DEDD: variants seen among roughly 807,000 people sequenced by gnomAD.
The protein encoded by DEDD is death effector domain containing.
Under a neutral mutation model 29.2 loss-of-function variants are expected in DEDD, and 3 were observed. The observed-to-expected ratio is 0.10, with a 90% CI of 0.05 to 0.27. The LOEUF is 0.27. Ranked by LOEUF, DEDD falls within the 10% of genes least tolerant of loss-of-function variation. The probability of loss-of-function intolerance (pLI) is 1.00; values close to 1 mark genes in which losing one functional copy is unlikely to be tolerated. For missense variants in DEDD, 261 were observed against 420.5 expected (o/e 0.62, Z 3.32); for synonymous variants, 152 against 161.3 (o/e 0.94, Z 0.44).
chr1:161,124,006 A>AC, intron 3 of DEDD, 60 bp from the exon 4 acceptor site: 1 of 1,594,088 alleles, frequency 6.3e-7, no homozygotes, highest in Non-Finnish European at 8.5e-7. Context: ...GTCAGTCCAA[A>AC]CCCCCAGTGG....
chr1:161,124,695 C>T, intron 2 of DEDD, 169 bp from the exon 3 acceptor site: 1 of 867,422 alleles, frequency 1.2e-6, no homozygotes, highest in South Asian at 2.7e-5. Flanking sequence ...GGCACAGGGG[C>T]TCACACCTGT....
intron 2 of DEDD, among the ~76,000 whole-genome samples, chr1:161,128,352 G>A (rs1397992289): frequency 1.3e-5 from 2 of 152,188 alleles, no homozygotes; most frequent in African/African-American, 4.8e-5. Context: ...TGTAATCCCT[G>A]CACTTTGAGA....
In DEDD at chr1:161,121,333, C is replaced by G. The variant is rs1655467066; in HGVS notation, c.*814G>C. The G allele has an allele frequency of 4.5e-6, 1 of 220,928 alleles. No individual in the cohort carries two copies. The highest frequency in any genetic ancestry group is 2.4e-5 in the African/African-American group (1 of 42,540). The allele number at this position is 220,928 out of a possible 1,614,324, so 13.7% of individuals were successfully genotyped here. A position where few individuals can be genotyped will look rare whatever the true frequency, so the allele number is the denominator to read the frequency against. On this transcript the variant is annotated 3_prime_UTR_variant, in exon 6 of 6. Coordinates refer to ENST00000368006, the MANE Select transcript of DEDD (RefSeq NM_032998.3). Reference sequence around the variant, plus strand: ...AAGAAAGCAAAGGGGAAAAGGGCTGCAGGGTACATTATTTATTTTCACTTG... The same window carrying G: ...AAGAAAGCAAAGGGGAAAAGGGCTGGAGGGTACATTATTTATTTTCACTTG...
Position 161,121,949 on chromosome 1 carries a change from T to G in DEDD, c.*198A>C. ...TTACGGGGTAAATGGAAAAGGGAAA[T>G]AAAGGGGAAGCCCAGGCACATGGGT... On this transcript the variant is annotated 3_prime_UTR_variant, in exon 6 of 6. Transcript: ENST00000368006. The G allele has an allele frequency of 1.6e-6, 1 of 624,474 alleles. No individual in the cohort carries two copies. Among genetic ancestry groups the G allele is most frequent in the Non-Finnish European group, 2.6e-6 (1 of 378,444 alleles). The allele number at this position is 624,474 out of a possible 1,614,324, so 38.7% of individuals were successfully genotyped here.
At chr1:161,126,139 C>A (rs1281756828) in intron 2 of DEDD, among the ~76,000 whole-genome samples, 2 of 152,156 alleles carry the variant, frequency 1.3e-5, no homozygotes, top group African/African-American at 4.8e-5. Context: ...TCCACCTCCA[C>A]TGCCATGGTT....
chr1:161,127,280 T>G (rs760475503), intron 2 of DEDD, among the ~76,000 whole-genome samples: 8 of 152,304 alleles, frequency 5.3e-5, no homozygotes, highest in Non-Finnish European at 8.8e-5. Flanking sequence ...AGCCATAGCC[T>G]CCTCTGCAAT....
At chr1:161,126,338 A>G (rs560529884) in intron 2 of DEDD, among the ~76,000 whole-genome samples, 1 of 148,718 alleles carries the variant, frequency 6.7e-6, no homozygotes, top group East Asian at 2.0e-4. Flanking sequence ...AGAACACTCC[A>G]AACTCTTTTT....
At chr1:161,123,796 T>C in intron 4 of DEDD, 43 bp downstream of exon 4, 1 of 1,540,632 alleles carries the variant, frequency 6.5e-7, no homozygotes, top group Non-Finnish European at 8.9e-7. Context: ...TCAGTGTCCT[T>C]TTACTTGATG....
chr1:161,121,943 G>C lies in DEDD; in HGVS notation c.*204C>G. ...GACACATTACGGGGTAAATGGAAAA[G>C]GGAAATAAAGGGGAAGCCCAGGCAC... On this transcript the variant is annotated 3_prime_UTR_variant, in exon 6 of 6. Coordinates refer to ENST00000368006, the MANE Select transcript of DEDD (RefSeq NM_032998.3). The C allele has an allele frequency of 1.6e-6, 1 of 614,006 alleles. No homozygotes were observed. The highest frequency in any genetic ancestry group is 1.8e-5 in the African/African-American group (1 of 54,310). 38.0% of individuals were successfully genotyped at this position (614,006 alleles called of 1,614,324 possible).
rs769362055 is a variant in DEDD, at chr1:161,124,157, G to C, written c.306C>G (p.Thr102=). 1 of 1,613,528 alleles carries C rather than the reference G, an allele frequency of 6.2e-7. No individual in the cohort carries two copies. Among genetic ancestry groups the C allele is most frequent in the Non-Finnish European group, 8.5e-7 (1 of 1,179,538 alleles). Residue 102 remains threonine (T), a synonymous_variant, in exon 3 of 6, where the codon ACC becomes ACG. Transcript: ENST00000368006. ...CCTCACCAGCCCGTCTCCTCTTGAG[G>C]GTGACGTAGGGCAGCAGGTCGTGGC... ...ITRHDLLPYV[T]LKRRRAVCPD...
Position 161,122,023 on chromosome 1 carries a change from T to G in DEDD, c.*124A>C. ...CTTCCACTTTCTTTTGTCTTTTTCT[T>G]TAAAAAAAAAAAAAAAAAGGCAGGG... On this transcript the variant is annotated 3_prime_UTR_variant, in exon 6 of 6. Coordinates refer to ENST00000368006, the MANE Select transcript of DEDD (RefSeq NM_032998.3). The surrounding 1 kb of genome is among the most constrained non-coding windows in gnomAD (Gnocchi z 4.2). The G allele has an allele frequency of 1.7e-6, 2 of 1,162,896 alleles. No individual in the cohort carries two copies. Among genetic ancestry groups the G allele is most frequent in the Non-Finnish European group, 1.2e-6 (1 of 844,836 alleles). The allele number at this position is 1,162,896 out of a possible 1,614,324, so 72.0% of individuals were successfully genotyped here.
intron 1 of DEDD, chr1:161,131,223 A>G (rs1656641093): frequency 6.6e-6 from 1 of 152,210 alleles, no homozygotes; most frequent in African/African-American, 2.4e-5. Context: ...CACCTTTAGA[A>G]AAAACTGGGA....
At chr1:161,124,916 C>T in intron 2 of DEDD, 2 of 160,192 alleles carry the variant, frequency 1.2e-5, no homozygotes, top group Non-Finnish European at 2.7e-5. Flanking sequence ...GTCAACATAG[C>T]AAGACCCCAT....
In DEDD at chr1:161,122,660, G is replaced by T; in HGVS notation, c.581-137C>A. On this transcript the variant is annotated intron_variant, in intron 5 of 5. Coordinates refer to ENST00000368006, the MANE Select transcript of DEDD (RefSeq NM_032998.3). This position sits in a 1 kb window ranked among gnomAD's most constrained non-coding sequence, Gnocchi z 4.2. ...TGACAGCTTCTCTACCTCTTCCCCAGGACTATTTCTATGTATCTCTGAAAT... is the reference window on the plus strand; with the variant it reads ...TGACAGCTTCTCTACCTCTTCCCCATGACTATTTCTATGTATCTCTGAAAT... The T allele has an allele frequency of 1.7e-6, 2 of 1,156,576 alleles. No homozygotes were observed. Among genetic ancestry groups the T allele is most frequent in the Non-Finnish European group, 2.4e-6 (2 of 834,566 alleles). The allele number at this position is 1,156,576 out of a possible 1,614,324, so 71.6% of individuals were successfully genotyped here. A position where few individuals can be genotyped will look rare whatever the true frequency, so the allele number is the denominator to read the frequency against.
chr1:161,123,900 G>A lies in DEDD; in HGVS notation c.372C>T (p.Arg124=). The A allele has an allele frequency of 6.2e-7, 1 of 1,614,104 alleles. No individual in the cohort carries two copies. Among genetic ancestry groups the A allele is most frequent in the Non-Finnish European group, 8.5e-7 (1 of 1,180,022 alleles). ...VDKYLEETSI[R]YVTPRALSDP... The stretch of plus-strand genomic sequence containing the variant: ...CACTGAGGGCTCTGGGGGTCACATA[G>A]CGAATTGATGTCTCCTCCAGATACT... The change falls in exon 4 of 6, where the codon CGC becomes CGT. Residue 124 remains arginine, a synonymous_variant. Coordinates refer to ENST00000368006, the MANE Select transcript of DEDD (RefSeq NM_032998.3).
Position 161,120,979 on chromosome 1 carries a change from T to TA in DEDD, c.*1167_*1168insT. The TA allele has an allele frequency of 2.1e-6, 3 of 1,415,548 alleles. No homozygotes were observed. The highest frequency in any genetic ancestry group is 2.8e-6 in the Non-Finnish European group (3 of 1,088,544). 87.7% of individuals were successfully genotyped at this position (1,415,548 alleles called of 1,614,324 possible). A position where few individuals can be genotyped will look rare whatever the true frequency, so the allele number is the denominator to read the frequency against. ...ACTGCAGTTTCAGAAAGGTGGAATT[T>TA]TATATAGTCATTGTTTATTTCATGG... On this transcript the variant is annotated 3_prime_UTR_variant, in exon 6 of 6. Transcript: ENST00000368006.
At chr1:161,124,548 C>T in intron 2 of DEDD, 22 bp from the exon 3 acceptor site, 3 of 1,520,014 alleles carry the variant, frequency 2.0e-6, no homozygotes, top group South Asian at 2.6e-5. Context: ...GGGAAAGAAC[C>T]GATGAGACAC....
chr1:161,124,751 CA>C (rs1459831334), intron 2 of DEDD: 1 of 406,576 alleles, frequency 2.5e-6, no homozygotes, highest in East Asian at 5.4e-5. Flanking sequence ...CACTTGAGCC[CA>C]GGCGTTTAAG....
In DEDD at chr1:161,121,251, G is replaced by T. The variant is rs1036847619; in HGVS notation, c.*896C>A. On this transcript the variant is annotated 3_prime_UTR_variant, in exon 6 of 6. Transcript: ENST00000368006. The stretch of plus-strand genomic sequence containing the variant: ...GGGAGTGGGCGTAGGAGTGGAGGAG[G>T]GGGAAGGAAAAAGGAATTACTTCAC... The T allele has an allele frequency of 1.1e-6, 1 of 930,200 alleles. No homozygotes were observed. Among genetic ancestry groups the T allele is most frequent in the Non-Finnish European group, 1.3e-6 (1 of 777,430 alleles). The allele number at this position is 930,200 out of a possible 1,614,324, so 57.6% of individuals were successfully genotyped here. A position where few individuals can be genotyped will look rare whatever the true frequency, so the allele number is the denominator to read the frequency against.
Sources: allele counts gnomAD v4.1 joint callset (sites outside exome capture counted in the v4.1 genomes callset), GRCh38; gene constraint gnomAD v4.1.1; non-coding constraint Gnocchi (gnomAD v3.1); transcripts MANE v1.5; gene names NCBI Gene and HGNC (gene_info 2026-07-23, HGNC 2026-07-21).